Variants in ZC3H12B observed in about 807,000 individuals in gnomAD.
The protein encoded by ZC3H12B is probable ribonuclease ZC3H12B.
In ZC3H12B, 7 loss-of-function variants were observed where a neutral mutation model predicts 43.9. The observed-to-expected ratio is 0.16, with a 90% CI of 0.09 to 0.30. ZC3H12B has a LOEUF of 0.30. Among genes scored for constraint, ZC3H12B ranks in the 10% least tolerant of loss-of-function variants. The pLI is 1.00. For synonymous variants in ZC3H12B, 222 were observed against 241.7 expected (o/e 0.92, Z 0.76); for missense variants, 475 against 670.2 (o/e 0.71, Z 3.22).
At chrX:65,217,197 C>T in the ZC3H12B span, among the ~76,000 whole-genome samples, 5 of 112,222 alleles carry the variant, frequency 4.5e-5, no homozygotes, top group South Asian at 3.7e-4. Context: ...AGCAAGCGTG[C>T]GTATCCAGGA....
the ZC3H12B span, among the ~76,000 whole-genome samples, chrX:65,067,111 G>A: frequency 1.8e-5 from 2 of 110,186 alleles, no homozygotes; most frequent in South Asian, 8.0e-4. Context: ...AAGACCACTT[G>A]ACTCCCTGGC....
chrX:65,341,568 A>T, the ZC3H12B span, among the ~76,000 whole-genome samples: 2 of 111,809 alleles, frequency 1.8e-5, no homozygotes, highest in African/African-American at 6.5e-5. Flanking sequence ...ACATTTTTAA[A>T]GGAAAGAAAT....
the ZC3H12B span, among the ~76,000 whole-genome samples, chrX:65,062,093 T>A: frequency 8.9e-6 from 1 of 112,297 alleles, no homozygotes; most frequent in Admixed American, 9.4e-5. Flanking sequence ...ATTGCAAAAT[T>A]TTTCTCCCAA....
chrX:65,114,090 T>C, the ZC3H12B span, among the ~76,000 whole-genome samples: 13 of 98,080 alleles, frequency 1.3e-4, no homozygotes, highest in African/African-American at 4.2e-4. Context: ...ATTGAGCAAG[T>C]CTTATACCAC....
At chrX:65,133,737 G>T in the ZC3H12B span, among the ~76,000 whole-genome samples, 1 of 110,405 alleles carries the variant, frequency 9.1e-6, no homozygotes, top group Admixed American at 9.6e-5. Context: ...GGGGAAGAGG[G>T]GAGTGGTCAG....
At chrX:65,495,617 C>T (rs1004278795) in intron 1 of ZC3H12B, among the ~76,000 whole-genome samples, 1 of 112,014 alleles carries the variant, frequency 8.9e-6, no homozygotes, top group African/African-American at 3.2e-5. Context: ...GTTTAATTAA[C>T]TATAATTTAG....
At chrX:65,069,642 A>G in the ZC3H12B span, among the ~76,000 whole-genome samples, 1 of 111,694 alleles carries the variant, frequency 9.0e-6, no homozygotes, top group Non-Finnish European at 1.9e-5. Flanking sequence ...TACTTTATTG[A>G]GAGTTTTTAA....
the ZC3H12B span, among the ~76,000 whole-genome samples, chrX:65,041,851 C>A: frequency 8.9e-6 from 1 of 111,763 alleles, no homozygotes; most frequent in African/African-American, 3.3e-5. Context: ...GCAAGAAGCA[C>A]TAAAATCCAG....
the ZC3H12B span, among the ~76,000 whole-genome samples, chrX:65,267,527 G>A: frequency 9.0e-6 from 1 of 110,663 alleles, no homozygotes; most frequent in African/African-American, 3.3e-5. Flanking sequence ...ATGTCTGTAA[G>A]GAAGCTCAGA....
the ZC3H12B span, among the ~76,000 whole-genome samples, chrX:65,079,700 A>C: frequency 8.9e-6 from 1 of 112,468 alleles, no homozygotes; most frequent in South Asian, 3.7e-4. Flanking sequence ...TACAGATTAG[A>C]ACACAACACA....
At chrX:65,443,235 G>A (rs939868937) in intron 3 of ZC3H12B, among the ~76,000 whole-genome samples, 3 of 110,958 alleles carry the variant, frequency 2.7e-5, no homozygotes, top group African/African-American at 9.8e-5. Context: ...CTCACCATGG[G>A]GATTACTTTA....
At chrX:65,088,910 C>A in the ZC3H12B span, among the ~76,000 whole-genome samples, 2 of 111,219 alleles carry the variant, frequency 1.8e-5, no homozygotes, top group African/African-American at 6.5e-5. Context: ...TGCCTTGGTT[C>A]TTCTGGAAAA....
At chrX:65,464,771 G>A (rs1262566466) in intron 3 of ZC3H12B, among the ~76,000 whole-genome samples, 1 of 109,758 alleles carries the variant, frequency 9.1e-6, no homozygotes, top group Non-Finnish European at 1.9e-5. Flanking sequence ...TTTTCTTTAA[G>A]CACTGTTTTG....
chrX:65,247,656 A>G, the ZC3H12B span, among the ~76,000 whole-genome samples: 1 of 112,470 alleles, frequency 8.9e-6, no homozygotes, highest in Admixed American at 9.4e-5. Flanking sequence ...CAAACACTGC[A>G]TGTTCTCACT....
At chrX:65,247,437 C>G in the ZC3H12B span, among the ~76,000 whole-genome samples, 1 of 112,560 alleles carries the variant, frequency 8.9e-6, no homozygotes, top group East Asian at 2.8e-4. Flanking sequence ...CACATGCATA[C>G]ATATGTTCAT....
intron 3 of ZC3H12B, among the ~76,000 whole-genome samples, chrX:65,453,824 C>T (rs1173491650): frequency 9.0e-6 from 1 of 111,470 alleles, no homozygotes; most frequent in East Asian, 2.8e-4. Flanking sequence ...AATGGAAAAC[C>T]AAACATCATA....
At chrX:65,336,043 G>A in the ZC3H12B span, among the ~76,000 whole-genome samples, 1 of 112,031 alleles carries the variant, frequency 8.9e-6, no homozygotes, top group Non-Finnish European at 1.9e-5. Flanking sequence ...CTAGGCCCAT[G>A]TTCTATCCTA....
chrX:65,340,018 C>G, the ZC3H12B span, among the ~76,000 whole-genome samples: 1 of 111,809 alleles, frequency 8.9e-6, no homozygotes, highest in Non-Finnish European at 1.9e-5. Context: ...CAGTCAGAGC[C>G]TTGATGGGCA....
the ZC3H12B span, among the ~76,000 whole-genome samples, chrX:65,219,809 TACACACACACACACACACACACACAC>T: frequency 1.3e-5 from 1 of 76,714 alleles, no homozygotes; most frequent in African/African-American, 4.6e-5. Flanking sequence ...TACACACACA[TACACACACACACACACACACACACAC>T]ACACACACAC....
Sources: allele counts gnomAD v4.1 joint callset (sites outside exome capture counted in the v4.1 genomes callset), GRCh38; gene constraint gnomAD v4.1.1; transcripts MANE v1.5; gene names NCBI Gene and HGNC (gene_info 2026-07-23, HGNC 2026-07-21).